The following PPP1CB variants were observed in gnomAD, a reference collection of about 807,000 sequenced individuals.
PPP1CB encodes serine/threonine-protein phosphatase PP1-beta catalytic subunit.
PPP1CB carries 2 observed loss-of-function variants against 43.7 expected under a neutral mutation model. The observed-to-expected ratio is 0.05, with a 90% CI of 0.02 to 0.14. The LOEUF (loss-of-function observed/expected upper bound fraction) is 0.14, where lower values mean the gene tolerates loss of function less well. Among genes scored for constraint, PPP1CB ranks in the 10% least tolerant of loss-of-function variants. The pLI is 1.00. For missense variants in PPP1CB, 84 were observed against 398.0 expected (o/e 0.21, Z 6.71); for synonymous variants, 136 against 135.6 (o/e 1.00, Z -0.02).
intron 6 of PPP1CB, among the ~76,000 whole-genome samples, chr2:28,789,993 G>T (rs1363159804): frequency 1.3e-5 from 2 of 151,514 alleles, no homozygotes; most frequent in Non-Finnish European, 3.0e-5. Context: ...TGAAGAATTT[G>T]ATTGTGGCTC....
intron 6 of PPP1CB, among the ~76,000 whole-genome samples, chr2:28,789,593 A>ATT (rs70956041): frequency 4.8e-3 from 468 of 96,506 alleles, no homozygotes; most frequent in East Asian, 8.2e-3. Flanking sequence ...TATGATTTAG[A>ATT]TTTTTTTTTT....
chr2:28,751,933 C>A lies in PPP1CB; in HGVS notation c.-192C>A. 1.5e-6 allele frequency: 1 copy of A among 645,622 alleles called. No individual in the cohort carries two copies. Among genetic ancestry groups the A allele is most frequent in the Non-Finnish European group, 2.8e-6 (1 of 360,712 alleles). 40.0% of individuals were successfully genotyped at this position (645,622 alleles called of 1,614,324 possible). ...TTATTTATTTATTTTCCGTGGGTGCCTCCGAGTGTGCGCGCGCTCTCGCTA... is the reference window on the plus strand; with the variant it reads ...TTATTTATTTATTTTCCGTGGGTGCATCCGAGTGTGCGCGCGCTCTCGCTA... On this transcript the variant is annotated 5_prime_UTR_variant, in exon 1 of 8. Transcript: ENST00000395366.
intron 2 of PPP1CB, 35 bp downstream of exon 2, chr2:28,777,017 T>G: frequency 6.3e-7 from 1 of 1,593,176 alleles, no homozygotes; most frequent in Non-Finnish European, 8.6e-7. Context: ...ACAACTCTTT[T>G]GAATCATGTT....
intron 5 of PPP1CB, 129 bp from the exon 6 acceptor site, chr2:28,788,529 A>T: frequency 1.0e-6 from 1 of 971,376 alleles, no homozygotes; most frequent in African/African-American, 1.7e-5. Context: ...TGGAATACTT[A>T]GGCAAGTGAT....
At chr2:28,756,650 A>AT (rs894389311) in intron 1 of PPP1CB, among the ~76,000 whole-genome samples, 1 of 151,914 alleles carries the variant, frequency 6.6e-6, no homozygotes, top group Non-Finnish European at 1.5e-5. Flanking sequence ...TGGCTGGCTA[A>AT]TTTTTTTTAT....
intron 1 of PPP1CB, 121 bp from the exon 2 acceptor site, chr2:28,776,730 A>C (rs1456313540): frequency 1.1e-4 from 86 of 800,800 alleles, no homozygotes; most frequent in Non-Finnish European, 1.7e-4. Context: ...CCATGGGACC[A>C]AATAGGGTAA....
intron 1 of PPP1CB, among the ~76,000 whole-genome samples, chr2:28,768,618 CA>C (rs749521203): frequency 7.2e-4 from 110 of 152,266 alleles, no homozygotes; most frequent in Non-Finnish European, 2.2e-4. Flanking sequence ...AGATTGAAGG[CA>C]AAACTAAAAC....
chr2:28,773,150 C>T (rs571763887), intron 1 of PPP1CB, among the ~76,000 whole-genome samples: 14 of 152,176 alleles, frequency 9.2e-5, no homozygotes, highest in Admixed American at 3.9e-4. Flanking sequence ...GTTTAAAATT[C>T]GTTGAGTTAC....
chr2:28,781,052 A>C (rs1187312968), intron 3 of PPP1CB, among the ~76,000 whole-genome samples: 1 of 152,114 alleles, frequency 6.6e-6, no homozygotes, highest in Non-Finnish European at 1.5e-5. Context: ...CTAGGTATTT[A>C]ACTAGTCCAC....
chr2:28,777,634 ATGTTTGTTTTT>A (rs1176406071), intron 2 of PPP1CB, among the ~76,000 whole-genome samples: 1 of 152,030 alleles, frequency 6.6e-6, no homozygotes, highest in Non-Finnish European at 1.5e-5. Flanking sequence ...CGCTAAGTAA[ATGTTTGTTTTT>A]TGTTTGTTTG....
chr2:28,772,383 A>G (rs1480938000), intron 1 of PPP1CB, among the ~76,000 whole-genome samples: 2 of 152,230 alleles, frequency 1.3e-5, no homozygotes, highest in Non-Finnish European at 2.9e-5. Context: ...TATACCCAAC[A>G]AAATGACTAA....
chr2:28,764,451 C>A (rs1352712842), intron 1 of PPP1CB, among the ~76,000 whole-genome samples: 1 of 145,752 alleles, frequency 6.9e-6, no homozygotes, highest in Non-Finnish European at 1.5e-5. Flanking sequence ...CAGGGCGAGA[C>A]TCCATCTCAA....
intron 5 of PPP1CB, among the ~76,000 whole-genome samples, chr2:28,786,671 A>G (rs1239061608): frequency 5.5e-5 from 8 of 145,274 alleles, no homozygotes; most frequent in African/African-American, 7.6e-5. Flanking sequence ...GCTACTCGGG[A>G]GGCTGAGGCA....
intron 1 of PPP1CB, among the ~76,000 whole-genome samples, chr2:28,768,949 G>T (rs1261040090): frequency 6.6e-6 from 1 of 152,138 alleles, no homozygotes; most frequent in African/African-American, 2.4e-5. Flanking sequence ...CATACAATGG[G>T]ATGGAAATAT....
chr2:28,798,488 A>G (rs971696043), intron 7 of PPP1CB, among the ~76,000 whole-genome samples: 1 of 152,128 alleles, frequency 6.6e-6, no homozygotes, highest in African/African-American at 2.4e-5. Flanking sequence ...CATCCATACA[A>G]TGGACTGTAC....
chr2:28,758,685 T>A (rs1263964717), intron 1 of PPP1CB, among the ~76,000 whole-genome samples: 3 of 152,234 alleles, frequency 2.0e-5, no homozygotes, highest in Non-Finnish European at 4.4e-5. Flanking sequence ...CGGGGGCAGT[T>A]GTCCTTTATT....
chr2:28,760,527 C>G (rs1486595285), intron 1 of PPP1CB, among the ~76,000 whole-genome samples: 2 of 152,112 alleles, frequency 1.3e-5, no homozygotes, highest in East Asian at 1.9e-4. Flanking sequence ...TTGTGTAAGT[C>G]CACTCTGTGA....
chr2:28,772,588 G>A (rs920469981), intron 1 of PPP1CB, among the ~76,000 whole-genome samples: 1 of 152,198 alleles, frequency 6.6e-6, no homozygotes, highest in Admixed American at 6.5e-5. Context: ...CATAGCATTT[G>A]TAATAGCCCC....
chr2:28,770,720 GCCACCCTGACCTA>G, intron 1 of PPP1CB, among the ~76,000 whole-genome samples: 1 of 152,058 alleles, frequency 6.6e-6, no homozygotes. Flanking sequence ...GAACAACACA[GCCACCCTGACCTA>G]CTTGGCGGAC....
Sources: gnomAD v4.1 joint callset for allele counts (sites outside exome capture counted in the v4.1 genomes callset) on GRCh38, gnomAD v4.1.1 for gene constraint, MANE v1.5 for transcripts, NCBI Gene and HGNC (gene_info 2026-07-23, HGNC 2026-07-21) for gene names.